The following STAC2 variants were observed in gnomAD, a reference collection of about 807,000 sequenced individuals.
STAC2 encodes SH3 and cysteine rich domain 2, also known as SH3 and cysteine-rich domain-containing protein 2.
STAC2 carries 36 observed loss-of-function variants against 49.0 expected under a neutral mutation model. The ratio of observed to expected loss-of-function variants is 0.74; its 90% CI spans 0.56 to 0.97. The LOEUF (loss-of-function observed/expected upper bound fraction) is 0.97. STAC2 is among the 50% of genes least tolerant of loss of function. The pLI, the probability that STAC2 is intolerant of heterozygous loss-of-function variation, is 0.00. For missense variants in STAC2, 527 were observed against 543.8 expected (o/e 0.97, Z 0.31); for synonymous variants, 239 against 214.7 (o/e 1.11, Z -0.99).
At chr17:39,213,661 GAGAGAC>G in intron 8 of STAC2, 103 bp from the exon 9 acceptor site, 1 of 959,424 alleles carries the variant, frequency 1.0e-6, no homozygotes, top group East Asian at 2.5e-5. Flanking sequence ...CCTCAGCTGG[GAGAGAC>G]GATTCTTTTT....
rs1384330248 is a variant in STAC2, at chr17:39,215,140, G to A, written c.677C>T (p.Ser226Phe). 10 of 1,614,004 alleles carry A rather than the reference G, an allele frequency of 6.2e-6. No individual in the cohort carries two copies. Among genetic ancestry groups the A allele is most frequent in the African/African-American group, 1.3e-5 (1 of 75,000 alleles). ...LMNRSSFSST[S>F]ESPTRSLSER... ...TACCAGGCTCCTTGTCGGGGACTCA[G>A]AGGTGCTGCTGAAACTGGAGCGGTT... Residue 226 changes from serine to phenylalanine, a missense_variant, in exon 5 of 11, where the codon TCT becomes TTT. By Grantham distance (155) the Ser-to-Phe change is radical. Transcript: ENST00000333461.
rs1217123865 is a variant in STAC2, at chr17:39,217,158, C to T, written c.413G>A (p.Gly138Asp). ...GACTTTGCACATCTTACATCGCAAG[C>T]CCTGTTTGGAGTTTCCTAGGAAGAA... Reference protein sequence around the residue: ...HQLIVGNSKQGLRCKMCKVSV... With the variant: ...HQLIVGNSKQDLRCKMCKVSV... Residue 138 changes from glycine (G) to aspartate (D), a missense_variant, in exon 3 of 11, where the codon GGC becomes GAC. Gly to Asp is a moderately conservative substitution (Grantham distance 94). Coordinates refer to ENST00000333461, the MANE Select transcript of STAC2 (RefSeq NM_198993.5). The T allele has an allele frequency of 5.6e-6, 9 of 1,613,630 alleles. No individual in the cohort carries two copies. In the South Asian group the frequency reaches 8.8e-5, roughly 16 times the overall value.
At chr17:39,213,644 C>T in intron 8 of STAC2, 86 bp from the exon 9 acceptor site, 1 of 1,141,230 alleles carries the variant, frequency 8.8e-7, no homozygotes. Context: ...CTGGGGGACA[C>T]TGCAGTCCTC....
At position 39,215,220 on chromosome 17, in the gene STAC2, C is replaced by T. The variant is rs2046391939; in HGVS notation, c.597G>A (p.Gly199=). The T allele has an allele frequency of 6.2e-7, 1 of 1,613,894 alleles. No homozygotes were observed. The highest frequency in any genetic ancestry group is 8.5e-7 in the Non-Finnish European group (1 of 1,179,870). Residue 199 remains glycine (G), a synonymous_variant, in exon 5 of 11, where the codon GGG becomes GGA. Coordinates refer to ENST00000333461, the MANE Select transcript of STAC2 (RefSeq NM_198993.5). ...GGGTCTCGTAGACAGGGTCCACCTTCCCACTGTCCCCTGCAGATTATCCAC... is the reference window on the plus strand; with the variant it reads ...GGGTCTCGTAGACAGGGTCCACCTTTCCACTGTCCCCTGCAGATTATCCAC... The part of the protein sequence containing the change: ...SKESPPTGDS[G]KVDPVYETLR...
intron 1 of STAC2, among the ~76,000 whole-genome samples, chr17:39,220,329 C>T (rs1439569971): frequency 1.3e-5 from 2 of 152,208 alleles, no homozygotes; most frequent in African/African-American, 2.4e-5. Flanking sequence ...GTCCACTGTT[C>T]TGTCCAGGGA....
rs557279574 is a variant in STAC2 at position 39,221,256 on chromosome 17, T to C, written c.91-3083A>G. ...GATTACAGGCGCCTGTCACCACACC[T>C]GGCTAATTTTTTGTATTTTTTTTTA... On this transcript the variant is annotated intron_variant, in intron 1 of 10. Coordinates refer to ENST00000333461, the MANE Select transcript of STAC2 (RefSeq NM_198993.5). Among the ~76,000 whole-genome samples the C allele has an allele frequency of 3.9e-5, 6 of 152,036 alleles. No homozygotes were observed. The East Asian group carries it at 1.2e-3, about 29-fold the overall frequency.
rs751411393 is a variant in STAC2 at position 39,212,354 on chromosome 17, T to C, written c.1174A>G (p.Ile392Val). The stretch of plus-strand genomic sequence containing the variant: ...CGCTTCTTGCCACTGCTGACGCGGA[T>C]GAAGCCGTCAGCATCCTTGCTTCTG... The part of the protein sequence containing the change: ...VGRSKDADGF[I>V]RVSSGKKRGL... Residue 392 changes from isoleucine to valine, a missense_variant, in exon 11 of 11, where the codon ATC becomes GTC. Physicochemically the swap from Ile to Val is conservative, Grantham distance 29. Transcript: ENST00000333461. 5.0e-6 allele frequency: 8 copies of C among 1,612,180 alleles called. No individual in the cohort carries two copies. The highest frequency in any genetic ancestry group is 2.7e-5 in the African/African-American group (2 of 74,890).
At chr17:39,219,171 C>A (rs994221248) in intron 1 of STAC2, among the ~76,000 whole-genome samples, 2 of 152,156 alleles carry the variant, frequency 1.3e-5, no homozygotes, top group African/African-American at 4.8e-5. Flanking sequence ...TCGCCCCAGC[C>A]ACGAGACTCT....
intron 9 of STAC2, 141 bp downstream of exon 9, chr17:39,213,366 G>T: frequency 1.6e-6 from 2 of 1,228,444 alleles, no homozygotes; most frequent in Admixed American, 4.3e-5. Flanking sequence ...CCAAGGGTTG[G>T]TCCTAGTTTT....
chr17:39,215,696 A>G (rs547176580), intron 4 of STAC2, among the ~76,000 whole-genome samples: 29 of 152,124 alleles, frequency 1.9e-4, no homozygotes, highest in African/African-American at 7.0e-4. Flanking sequence ...CCTCGTACCC[A>G]TGGTCTCGTT....
chr17:39,212,040 T>G lies in STAC2; in HGVS notation c.*252A>C. On this transcript the variant is annotated 3_prime_UTR_variant, in exon 11 of 11. Transcript: ENST00000333461. ...TGCCTGGGCGTTGGGTGGACCTACC[T>G]GTAGCTTCCTCATTCCCTCCCACCC... is the stretch of plus-strand genomic sequence containing the variant. 1 of 408,100 alleles carries G rather than the reference T, an allele frequency of 2.5e-6. No homozygotes were observed. The highest frequency in any genetic ancestry group is 4.4e-6 in the Non-Finnish European group (1 of 225,192). The allele number at this position is 408,100 out of a possible 1,614,324, so 25.3% of individuals were successfully genotyped here. A position where few individuals can be genotyped will look rare whatever the true frequency, so the allele number is the denominator to read the frequency against.
chr17:39,221,283 T>C (rs58969389), intron 1 of STAC2, among the ~76,000 whole-genome samples: 8,893 of 151,816 alleles, frequency 0.059, 873 homozygotes, highest in African/African-American at 0.2. Context: ...TTTTTTTTAG[T>C]AGAGATGGGG....
At position 39,212,088 on chromosome 17, in the gene STAC2, A is replaced by C. The variant is rs1247476298; in HGVS notation, c.*204T>G. ...CCCCACCCCATCCCCGCCAAGTCCC[A>C]GAGGATCAACCCACTCAGGGCACCC... On this transcript the variant is annotated 3_prime_UTR_variant, in exon 11 of 11. Transcript: ENST00000333461. The C allele has an allele frequency of 3.4e-5, 3 of 87,372 alleles. No homozygotes were observed. Among genetic ancestry groups the C allele is most frequent in the Non-Finnish European group, 4.2e-5 (2 of 47,184 alleles). The allele number at this position is 87,372 out of a possible 1,614,324, so 5.4% of individuals were successfully genotyped here.
chr17:39,218,917 G>A (rs1003425482), intron 1 of STAC2, among the ~76,000 whole-genome samples: 5 of 151,978 alleles, frequency 3.3e-5, no homozygotes, highest in Admixed American at 1.3e-4. Context: ...AGGAGTGGTC[G>A]TCCTGGACCC....
chr17:39,222,081 C>T (rs533402873), intron 1 of STAC2, among the ~76,000 whole-genome samples: 1 of 152,344 alleles, frequency 6.6e-6, no homozygotes, highest in South Asian at 2.1e-4. Context: ...GCCCTCCTTC[C>T]TCCCTTGGCT....
intron 1 of STAC2, 57 bp from the exon 2 acceptor site, chr17:39,218,230 G>T (rs1394334794): frequency 5.0e-6 from 8 of 1,595,774 alleles, no homozygotes; most frequent in Non-Finnish European, 6.9e-6. Flanking sequence ...GCCAGGGCGG[G>T]CTTCCCTTCA....
chr17:39,215,243 C>G lies in STAC2; in HGVS notation c.587-13G>C. 1 of 1,613,372 alleles carries G rather than the reference C, an allele frequency of 6.2e-7. No individual in the cohort carries two copies. ...TTCCCACTGTCCCCTGCAGATTATC[C>G]ACCCTCAAGGCCTGGCTCTGCCTCA... is the stretch of plus-strand genomic sequence containing the variant. On this transcript the variant is annotated splice_polypyrimidine_tract_variant and intron_variant, in intron 4 of 10. Coordinates refer to ENST00000333461, the MANE Select transcript of STAC2 (RefSeq NM_198993.5).
intron 8 of STAC2, 139 bp from the exon 9 acceptor site, chr17:39,213,697 G>A (rs2046375418): frequency 1.4e-5 from 9 of 630,388 alleles, no homozygotes; most frequent in African/African-American, 2.2e-5. Flanking sequence ...TTTTTTTTAA[G>A]ATAGACTCTC....
intron 8 of STAC2, among the ~76,000 whole-genome samples, chr17:39,213,888 G>A (rs894953834): frequency 2.0e-5 from 3 of 152,034 alleles, no homozygotes; most frequent in Non-Finnish European, 2.9e-5. Flanking sequence ...TGTTGGCCAG[G>A]CTGGTCTCGA....
Sources: allele counts gnomAD v4.1 joint callset (sites outside exome capture counted in the v4.1 genomes callset), GRCh38; gene constraint gnomAD v4.1.1; transcripts MANE v1.5; gene names NCBI Gene and HGNC (gene_info 2026-07-23, HGNC 2026-07-21).